CNOT10: variants seen among roughly 807,000 people sequenced by gnomAD.
CNOT10 encodes the protein CCR4-NOT transcription complex, subunit 10.
A neutral mutation model predicts 94.6 loss-of-function variants in CNOT10; 30 were observed. The observed-to-expected ratio is 0.32, with a 90% CI of 0.24 to 0.43. The LOEUF (loss-of-function observed/expected upper bound fraction) is 0.43. Among genes scored for constraint, CNOT10 ranks in the 20% least tolerant of loss-of-function variants. CNOT10 has a pLI of 1.00. For missense variants in CNOT10, 759 were observed against 877.2 expected, an observed-to-expected ratio of 0.87 and a Z score of 1.70; for synonymous variants, 289 against 301.6, an observed-to-expected ratio of 0.96 and a Z score of 0.43.
intron 4 of CNOT10, among the ~76,000 whole-genome samples, chr3:32,709,487 C>T (rs976008421): frequency 2.6e-5 from 4 of 152,114 alleles, no homozygotes; most frequent in Admixed American, 6.5e-5. Flanking sequence ...TTATCAGGAA[C>T]GCCTGATTGC....
chr3:32,708,901 A>G (rs374459148), intron 4 of CNOT10, 81 bp downstream of exon 4: 2 of 1,150,382 alleles, frequency 1.7e-6, no homozygotes, highest in African/African-American at 3.2e-5. Context: ...TAGATAACCT[A>G]AATCCGAGAA....
intron 13 of CNOT10, among the ~76,000 whole-genome samples, chr3:32,747,688 G>A (rs1575282653): frequency 6.6e-6 from 1 of 151,704 alleles, no homozygotes; most frequent in East Asian, 2.0e-4. Context: ...GGTGGCTCAC[G>A]CCTGTAATCC....
At chr3:32,770,240 T>G (rs1700837984) in intron 18 of CNOT10, among the ~76,000 whole-genome samples, 1 of 151,004 alleles carries the variant, frequency 6.6e-6, no homozygotes, top group African/African-American at 2.4e-5. Flanking sequence ...ACTCATGGGC[T>G]CAAGCAGTCC....
intron 18 of CNOT10, among the ~76,000 whole-genome samples, chr3:32,771,899 C>G (rs527759219): frequency 1.3e-5 from 2 of 152,242 alleles, no homozygotes; most frequent in Non-Finnish European, 2.9e-5. Flanking sequence ...TTACAGTAAG[C>G]CAGTTCTTGC....
chr3:32,711,982 T>G (rs1194236765), intron 4 of CNOT10, among the ~76,000 whole-genome samples: 1 of 152,184 alleles, frequency 6.6e-6, no homozygotes, highest in African/African-American at 2.4e-5. Flanking sequence ...CTTCTAGACC[T>G]TATTTTTCCT....
intron 10 of CNOT10, among the ~76,000 whole-genome samples, chr3:32,733,174 T>C (rs1699032490): frequency 6.6e-6 from 1 of 152,172 alleles, no homozygotes; most frequent in African/African-American, 2.4e-5. Flanking sequence ...TGGGACATAA[T>C]TGAATTGGAT....
At chr3:32,740,242 C>T (rs112751944) in intron 13 of CNOT10, among the ~76,000 whole-genome samples, 5,982 of 151,804 alleles carry the variant, frequency 0.039, 185 homozygotes, top group African/African-American at 0.079. Context: ...GGGCGGATCA[C>T]GAGGTCAGGA....
intron 13 of CNOT10, among the ~76,000 whole-genome samples, chr3:32,740,833 G>A (rs968064984): frequency 6.7e-6 from 1 of 149,950 alleles, no homozygotes; most frequent in Non-Finnish European, 1.5e-5. Context: ...CTGCACTCCA[G>A]CCTGGACGAC....
chr3:32,709,806 C>T (rs1482383316), intron 4 of CNOT10, among the ~76,000 whole-genome samples: 4 of 152,140 alleles, frequency 2.6e-5, no homozygotes, highest in African/African-American at 9.7e-5. Flanking sequence ...GTTATTGATG[C>T]TTCTTAGAAT....
rs78467050 is a variant in CNOT10, at chr3:32,700,601, C to T, written c.23-3267C>T. 4.8e-3 allele frequency among the ~76,000 whole-genome samples: 730 copies of T among 152,284 alleles called. 2 individuals carry two copies. Among genetic ancestry groups the T allele is most frequent in the Non-Finnish European group, 8.5e-3 (581 of 68,020 alleles). On this transcript the variant is annotated intron_variant, in intron 1 of 18. Transcript: ENST00000328834. ...CACATATATTCTTACTAAAGCCTTA[C>T]AATAACTTGAAAAAGGGTTTTCTTA...
intron 18 of CNOT10, among the ~76,000 whole-genome samples, chr3:32,772,601 G>C (rs964492148): frequency 4.6e-5 from 7 of 152,152 alleles, no homozygotes; most frequent in Non-Finnish European, 8.8e-5. Context: ...GGAGGCTGAG[G>C]CAGGAGAATT....
Position 32,764,442 on chromosome 3 carries a change from C to G in CNOT10, c.1841-13C>G. ...TTGTTCTGCCCCTCAGATTTATTTT[C>G]GTGTTTTTGTAGGATCAGACAAAGG... On this transcript the variant is annotated splice_polypyrimidine_tract_variant and intron_variant, in intron 15 of 18. Coordinates refer to ENST00000328834, the MANE Select transcript of CNOT10 (RefSeq NM_015442.3). 6.2e-7 allele frequency: 1 copy of G among 1,613,034 alleles called. No individual in the cohort carries two copies. Among genetic ancestry groups the G allele is most frequent in the Non-Finnish European group, 8.5e-7 (1 of 1,179,590 alleles).
At position 32,695,966 on chromosome 3, in the gene CNOT10, AGAGT is replaced by A. The variant is rs1490443138; in HGVS notation, c.23-7900_23-7897del. On this transcript the variant is annotated intron_variant, in intron 1 of 18. Coordinates refer to ENST00000328834, the MANE Select transcript of CNOT10 (RefSeq NM_015442.3). The stretch of plus-strand genomic sequence containing the variant: ...GAAAATAAAAATAATCCTGTTGAAG[AGAGT>A]GTGTGTGTGTGTGTGTGTGTGTGTG... The A allele has an allele frequency of 1.5e-3, 924 of 616,442 alleles. 4 individuals carry two copies. The highest frequency in any genetic ancestry group is 5.9e-3 in the African/African-American group (262 of 44,182). 38.2% of individuals were successfully genotyped at this position (616,442 alleles called of 1,614,324 possible).
chr3:32,695,669 A>G, intron 1 of CNOT10: 1 of 1,536,076 alleles, frequency 6.5e-7, no homozygotes, highest in South Asian at 1.2e-5. Context: ...TGTGGGTCAA[A>G]GAGCTCTGTA....
chr3:32,756,937 T>A (rs1468469883), intron 13 of CNOT10, among the ~76,000 whole-genome samples: 1 of 151,660 alleles, frequency 6.6e-6, no homozygotes, highest in Non-Finnish European at 1.5e-5. Flanking sequence ...ACCCCATCTC[T>A]ATAAAAAAAT....
Position 32,720,115 on chromosome 3 carries a change from C to CCGCA in CNOT10, c.748_751dup (p.Pro251ArgfsTer7). On this transcript the variant is annotated frameshift_variant and splice_region_variant, in exon 8 of 19. Transcript: ENST00000328834. LOFTEE classifies it high-confidence loss of function. Reference sequence around the variant, plus strand: ...GTAACTTTTATATTTTCTCTACAGTCCGCACCCTCTCTCTTTCTTAAAAGC... The same window carrying CCGCA: ...GTAACTTTTATATTTTCTCTACAGTCCGCACGCACCCTCTCTCTTTCTTAAAAGC... 6.7e-7 allele frequency: 1 copy of CCGCA among 1,484,382 alleles called. No homozygotes were observed. Among genetic ancestry groups the CCGCA allele is most frequent in the Non-Finnish European group, 9.2e-7 (1 of 1,081,912 alleles). The allele number at this position is 1,484,382 out of a possible 1,614,324, so 92.0% of individuals were successfully genotyped here.
chr3:32,754,489 A>AAAAAATATATATATATAT (rs77878221), intron 13 of CNOT10, among the ~76,000 whole-genome samples: 1 of 70,204 alleles, frequency 1.4e-5, no homozygotes, highest in Non-Finnish European at 2.2e-5. Context: ...AAAAAAAAAA[A>AAAAAATATATATATATAT]ATACATATAT....
chr3:32,760,609 G>C (rs75188358), intron 14 of CNOT10, among the ~76,000 whole-genome samples: 5,269 of 152,214 alleles, frequency 0.035, 136 homozygotes, highest in Middle Eastern at 0.078. Context: ...TCCAGGCGGA[G>C]TGACACAGCA....
At chr3:32,721,799 A>G (rs1046505624) in intron 8 of CNOT10, among the ~76,000 whole-genome samples, 1 of 151,100 alleles carries the variant, frequency 6.6e-6, no homozygotes, top group African/African-American at 2.4e-5. Context: ...GGCGTCTGCC[A>G]CCGCGCCCGG....
Sources: gnomAD v4.1 joint callset for allele counts (sites outside exome capture counted in the v4.1 genomes callset) on GRCh38, gnomAD v4.1.1 for gene constraint, MANE v1.5 for transcripts, NCBI Gene and HGNC (gene_info 2026-07-23, HGNC 2026-07-21) for gene names.